DOCK8: variants seen among roughly 807,000 people sequenced by gnomAD.
The protein encoded by DOCK8 is dedicator of cytokinesis 8, also known as dedicator of cytokinesis protein 8.
In DOCK8, 141 loss-of-function variants were observed where a neutral mutation model predicts 245.6. The ratio of observed to expected loss-of-function variants is 0.57; its 90% confidence interval spans 0.50 to 0.66. The LOEUF is 0.66. DOCK8 is among the 30% of genes least tolerant of loss of function. DOCK8 has a pLI of 0.00. For missense variants in DOCK8, 2,965 were observed against 2,603.4 expected (o/e 1.14, Z -3.02); for synonymous variants, 1,168 against 970.2 (o/e 1.20, Z -3.79).
rs2051459826 is a variant in DOCK8 at position 339,227 on chromosome 9, G to A, written c.1516+128G>A. 3 of 833,854 alleles carry A rather than the reference G, an allele frequency of 3.6e-6. No homozygotes were observed. In the African/African-American group the frequency reaches 5.1e-5, roughly 14 times the overall value. 51.7% of individuals were successfully genotyped at this position (833,854 alleles called of 1,614,324 possible). On this transcript the variant is annotated intron_variant, in intron 13 of 47. Transcript: ENST00000432829. ...GTGAAATGTGAGATTTTGTGTTAGGGGTTAAGAATCTGAATTGTTCTATGT... is the reference window on the plus strand; with the variant it reads ...GTGAAATGTGAGATTTTGTGTTAGGAGTTAAGAATCTGAATTGTTCTATGT...
chr9:334,598 A>T (rs904990988), intron 11 of DOCK8, among the ~76,000 whole-genome samples: 1 of 152,226 alleles, frequency 6.6e-6, no homozygotes, highest in African/African-American at 2.4e-5. Context: ...AAGATTAAGT[A>T]TACTCTTATA....
chr9:426,481 C>T (rs548111453), intron 33 of DOCK8, among the ~76,000 whole-genome samples: 1 of 152,338 alleles, frequency 6.6e-6, no homozygotes, highest in African/African-American at 2.4e-5. Context: ...CTCTCTCTCG[C>T]ATGTTGCAGG....
chr9:439,825 T>G (rs1195140611), intron 40 of DOCK8, among the ~76,000 whole-genome samples: 2 of 151,996 alleles, frequency 1.3e-5, no homozygotes, highest in Non-Finnish European at 2.9e-5. Context: ...GACAGTGTCT[T>G]CCCTCCTAGC....
chr9:335,844 TG>T (rs1474614859), intron 11 of DOCK8, among the ~76,000 whole-genome samples: 13 of 152,194 alleles, frequency 8.5e-5, no homozygotes, highest in African/African-American at 3.1e-4. Context: ...TTCAACATCA[TG>T]GTAAGAATTA....
intron 1 of DOCK8, among the ~76,000 whole-genome samples, chr9:245,532 C>G (rs546283182): frequency 5.9e-5 from 9 of 152,114 alleles, no homozygotes; most frequent in African/African-American, 2.2e-4. Context: ...TGATAGGCAG[C>G]TCTTAAAGCC....
At chr9:365,546 G>C (rs1031052784) in intron 14 of DOCK8, 2 of 445,432 alleles carry the variant, frequency 4.5e-6, no homozygotes, top group African/African-American at 4.1e-5. Context: ...TCTACTGCTA[G>C]TCATAAAACT....
At chr9:277,404 A>G (rs1334172581) in intron 2 of DOCK8, among the ~76,000 whole-genome samples, 1 of 150,752 alleles carries the variant, frequency 6.6e-6, no homozygotes, top group Non-Finnish European at 1.5e-5. Context: ...TAGCCTGGGC[A>G]ACAGAGTGAG....
At chr9:439,077 A>G (rs899674221) in intron 39 of DOCK8, among the ~76,000 whole-genome samples, 168 bp from the exon 40 acceptor site, 4 of 152,244 alleles carry the variant, frequency 2.6e-5, no homozygotes, top group Admixed American at 2.0e-4. Context: ...CGCCTCTTCT[A>G]AATGAATGGC....
At position 461,894 on chromosome 9, in the gene DOCK8, C is replaced by G. The variant is rs547087436; in HGVS notation, c.6069-1623C>G. Among the ~76,000 whole-genome samples the G allele has an allele frequency of 7.8e-4, 119 of 151,660 alleles. 2 individuals carry two copies. Among genetic ancestry groups the G allele is most frequent in the African/African-American group, 2.8e-3 (117 of 41,418 alleles). On this transcript the variant is annotated intron_variant, in intron 46 of 47. Coordinates refer to ENST00000432829, the MANE Select transcript of DOCK8 (RefSeq NM_203447.4). ...AAGTTCTGTTTGGTCCTTTTCTGAA[C>G]TTTTCCTGGTCTCTTTTTTCATTTT... is the stretch of plus-strand genomic sequence containing the variant.
chr9:398,208 C>G (rs540300626), intron 25 of DOCK8, among the ~76,000 whole-genome samples: 1 of 152,098 alleles, frequency 6.6e-6, no homozygotes, highest in Non-Finnish European at 1.5e-5. Flanking sequence ...AAAGCCAAGA[C>G]TGGAGATTTT....
At chr9:416,377 G>A (rs1173956656) in intron 29 of DOCK8, among the ~76,000 whole-genome samples, 2 of 152,212 alleles carry the variant, frequency 1.3e-5, no homozygotes, top group Non-Finnish European at 2.9e-5. Flanking sequence ...CCCAAAGCCA[G>A]GAACCACTTT....
intron 27 of DOCK8, among the ~76,000 whole-genome samples, chr9:405,928 A>G (rs2055397638): frequency 6.6e-6 from 1 of 152,110 alleles, no homozygotes; most frequent in South Asian, 2.1e-4. Flanking sequence ...TAAGTCCTAA[A>G]ACTTCCCTGG....
At chr9:317,008 C>T (rs747988882) in intron 6 of DOCK8, 35 bp from the exon 7 acceptor site, 1 of 1,529,088 alleles carries the variant, frequency 6.5e-7, no homozygotes, top group African/African-American at 1.4e-5. Context: ...CCACAGAATT[C>T]ACTAATGATT....
chr9:360,069 A>G (rs2052647942), intron 14 of DOCK8, among the ~76,000 whole-genome samples: 1 of 152,124 alleles, frequency 6.6e-6, no homozygotes, highest in African/African-American at 2.4e-5. Flanking sequence ...TAATCCCAAC[A>G]TTTTGGGAGG....
intron 44 of DOCK8, among the ~76,000 whole-genome samples, chr9:447,413 A>G (rs1194568032): frequency 1.3e-5 from 2 of 152,182 alleles, no homozygotes; most frequent in Admixed American, 6.5e-5. Context: ...TGCTTTGTCC[A>G]TGATTTTCAG....
chr9:423,284 A>G (rs1488781926), intron 33 of DOCK8, among the ~76,000 whole-genome samples: 1 of 152,224 alleles, frequency 6.6e-6, no homozygotes, highest in African/African-American at 2.4e-5. Flanking sequence ...TATATATGCA[A>G]CAATTTAGAC....
In DOCK8 at chr9:420,385, A is replaced by T; in HGVS notation, c.3841-16A>T. 1 of 1,613,982 alleles carries T rather than the reference A, an allele frequency of 6.2e-7. No individual in the cohort carries two copies. The highest frequency in any genetic ancestry group is 8.5e-7 in the Non-Finnish European group (1 of 1,180,006). The stretch of plus-strand genomic sequence containing the variant: ...CTTCTTCCCTGGCCTCCATCCCCCA[A>T]TCTGCCTCCCTTCAGCCCTATAAGC... On this transcript the variant is annotated splice_polypyrimidine_tract_variant and intron_variant, in intron 30 of 47. Coordinates refer to ENST00000432829, the MANE Select transcript of DOCK8 (RefSeq NM_203447.4).
chr9:294,582 C>T (rs1405261679), intron 4 of DOCK8, among the ~76,000 whole-genome samples: 1 of 152,184 alleles, frequency 6.6e-6, no homozygotes, highest in Non-Finnish European at 1.5e-5. Flanking sequence ...GTTAAATATG[C>T]ACTTAACCAT....
intron 3 of DOCK8, among the ~76,000 whole-genome samples, chr9:288,875 T>G (rs1265881629): frequency 6.6e-6 from 1 of 152,248 alleles, no homozygotes; most frequent in Non-Finnish European, 1.5e-5. Flanking sequence ...TTGTAGCATT[T>G]AAGCCTGTTT....
Sources: allele counts gnomAD v4.1 joint callset (sites outside exome capture counted in the v4.1 genomes callset), GRCh38; gene constraint gnomAD v4.1.1; transcripts MANE v1.5; gene names NCBI Gene and HGNC (gene_info 2026-07-23, HGNC 2026-07-21).